Variants in DEUP1 observed in about 807,000 individuals in gnomAD.
The protein encoded by DEUP1 is coiled-coil domain containing 67.
DEUP1 carries 82 observed loss-of-function variants against 87.4 expected under a neutral mutation model. The ratio of observed to expected loss-of-function variants is 0.94; its 90% CI spans 0.78 to 1.13. DEUP1 has a LOEUF of 1.13. Among genes scored for constraint, DEUP1 ranks in the 50% most tolerant of loss-of-function variants. The probability of loss-of-function intolerance (pLI) is 0.00; values close to 1 mark genes in which losing one functional copy is unlikely to be tolerated. For synonymous variants in DEUP1, 214 were observed against 222.7 expected, an observed-to-expected ratio of 0.96 and a Z score of 0.35; for missense variants, 663 against 681.5, an observed-to-expected ratio of 0.97 and a Z score of 0.30.
intron 7 of DEUP1, among the ~76,000 whole-genome samples, chr11:93,376,276 C>G (rs190084119): frequency 6.6e-6 from 1 of 152,088 alleles, no homozygotes; most frequent in Non-Finnish European, 1.5e-5. Flanking sequence ...TGCTTGCTCT[C>G]GTTCTTTTCA....
intron 8 of DEUP1, 40 bp downstream of exon 8, chr11:93,385,583 A>G (rs1178660367): frequency 2.7e-6 from 4 of 1,488,474 alleles, no homozygotes; most frequent in South Asian, 1.3e-5. Context: ...GAACTGTTCA[A>G]AACATGATGT....
chr11:93,415,481 T>A (rs1401766409), intron 13 of DEUP1, among the ~76,000 whole-genome samples: 1 of 152,028 alleles, frequency 6.6e-6, no homozygotes, highest in Non-Finnish European at 1.5e-5. Flanking sequence ...TTAAAACATC[T>A]TTTCTATTGA....
intron 12 of DEUP1, 27 bp downstream of exon 12, chr11:93,408,454 A>G: frequency 1.5e-6 from 2 of 1,339,062 alleles, no homozygotes; most frequent in African/African-American, 1.5e-5. Context: ...ATATAAGGGC[A>G]TAAGTTTAAA....
intron 2 of DEUP1, among the ~76,000 whole-genome samples, chr11:93,334,140 T>G (rs4132359): frequency 0.34 from 52,397 of 151,912 alleles, 9,399 homozygotes; most frequent in Non-Finnish European, 0.4. Flanking sequence ...TAGACATGGG[T>G]CCACACACTG....
At chr11:93,395,000 T>A (rs2134366298) in intron 10 of DEUP1, among the ~76,000 whole-genome samples, 1 of 152,092 alleles carries the variant, frequency 6.6e-6, no homozygotes, top group South Asian at 2.1e-4. Flanking sequence ...TTTTTATCTT[T>A]AAAAAAAAGT....
chr11:93,431,095 CA>C (rs10534401), intron 13 of DEUP1, among the ~76,000 whole-genome samples: 7,751 of 112,390 alleles, frequency 0.069, 479 homozygotes, highest in African/African-American at 0.24. Context: ...AACACTGTCT[CA>C]AAAAAAAAAA....
At chr11:93,395,400 C>A (rs947103076) in intron 10 of DEUP1, among the ~76,000 whole-genome samples, 1 of 152,080 alleles carries the variant, frequency 6.6e-6, no homozygotes, top group Admixed American at 6.6e-5. Flanking sequence ...TGACTAAAAT[C>A]GTGAATTATG....
chr11:93,354,543 A>T (rs1024547319), intron 2 of DEUP1, among the ~76,000 whole-genome samples: 3 of 152,310 alleles, frequency 2.0e-5, no homozygotes, highest in African/African-American at 7.2e-5. Context: ...ATAAGGACAT[A>T]CCCGAGATTG....
chr11:93,334,965 T>G (rs1943679801), intron 2 of DEUP1, among the ~76,000 whole-genome samples: 1 of 152,194 alleles, frequency 6.6e-6, no homozygotes, highest in South Asian at 2.1e-4. Context: ...CCTTTTATGG[T>G]TTATTCTATC....
Position 93,370,120 on chromosome 11 carries a change from T to A in DEUP1, c.480T>A (p.Tyr160Ter). ...SREWDKQEIL[Y>*]QTHLISLDAQ... Reference sequence around the variant, plus strand: ...AATGGGACAAGCAAGAGATATTATATCAGACTCATCTGATTTCTTTAGATG... The same window carrying A: ...AATGGGACAAGCAAGAGATATTATAACAGACTCATCTGATTTCTTTAGATG... The change falls in exon 6 of 14, where the codon TAT becomes TAA. Residue 160 changes from tyrosine (Y) to a stop codon, truncating the protein, a stop_gained. Transcript: ENST00000298050. LOFTEE classifies it high-confidence loss of function. 1 of 1,609,010 alleles carries A rather than the reference T, an allele frequency of 6.2e-7. No individual in the cohort carries two copies. The highest frequency in any genetic ancestry group is 1.1e-5 in the South Asian group (1 of 90,034).
intron 11 of DEUP1, among the ~76,000 whole-genome samples, chr11:93,396,974 T>C (rs1369266262): frequency 7.1e-6 from 1 of 141,636 alleles, no homozygotes; most frequent in Non-Finnish European, 1.6e-5. Context: ...AATGTAACAA[T>C]AGAAAATTGA....
chr11:93,373,521 G>A (rs936368462), intron 7 of DEUP1, among the ~76,000 whole-genome samples: 2 of 149,528 alleles, frequency 1.3e-5, no homozygotes, highest in Non-Finnish European at 3.0e-5. Context: ...TTCCATCCAG[G>A]TTGCTGCAAA....
chr11:93,383,449 G>T (rs891352745), intron 7 of DEUP1: 3 of 488,736 alleles, frequency 6.1e-6, no homozygotes, highest in African/African-American at 3.9e-5. Context: ...ATTAGTGGTT[G>T]CTAGGAGCTG....
At chr11:93,352,666 C>T (rs1043575238) in intron 2 of DEUP1, among the ~76,000 whole-genome samples, 3 of 152,154 alleles carry the variant, frequency 2.0e-5, no homozygotes, top group Non-Finnish European at 4.4e-5. Flanking sequence ...TTCTACATAG[C>T]TGGGAAGGCC....
At chr11:93,387,553 A>G (rs546259763) in intron 8 of DEUP1, among the ~76,000 whole-genome samples, 3 of 152,236 alleles carry the variant, frequency 2.0e-5, no homozygotes, top group East Asian at 3.9e-4. Context: ...TTATACATGT[A>G]CATTAGCATT....
At chr11:93,400,131 A>G (rs1391515277) in intron 11 of DEUP1, among the ~76,000 whole-genome samples, 1 of 152,122 alleles carries the variant, frequency 6.6e-6, no homozygotes, top group Admixed American at 6.6e-5. Context: ...TCCACCTTTG[A>G]GTTTTTGGAA....
At chr11:93,391,958 TA>T (rs1046825914) in intron 9 of DEUP1, among the ~76,000 whole-genome samples, 1 of 152,236 alleles carries the variant, frequency 6.6e-6, no homozygotes. Flanking sequence ...GACTCTTTTT[TA>T]AAAAAATCTG....
At position 93,355,326 on chromosome 11, in the gene DEUP1, C is replaced by A. The variant is rs373323890; in HGVS notation, c.30-45C>A. 1.3e-4 allele frequency: 202 copies of A among 1,580,366 alleles called. No homozygotes were observed. The African/African-American group carries it at 2.6e-3, about 20-fold the overall frequency. On this transcript the variant is annotated intron_variant, in intron 2 of 13. Transcript: ENST00000298050. ...AATGTAATAATTTTTTTTGCCCTCA[C>A]ATTTCACTACTTTAAAATGTATTTT...
In DEUP1 at chr11:93,394,530, TG is replaced by T. The variant is rs767762250; in HGVS notation, c.1114del (p.Asp372ThrfsTer2). ...AGGAAAGAATGAGGAATGAAATCTC[TG>T]ACCTAACAGAAGAGCTTCATCAGAA... ...EQERMRNEIS[D>X]LTEELHQKEI... On this transcript the variant is annotated frameshift_variant, in exon 10 of 14. Coordinates refer to ENST00000298050, the MANE Select transcript of DEUP1 (RefSeq NM_181645.4). LOFTEE classifies it high-confidence loss of function. 1.2e-6 allele frequency: 2 copies of T among 1,610,516 alleles called. No individual in the cohort carries two copies. Among genetic ancestry groups the T allele is most frequent in the Non-Finnish European group, 8.5e-7 (1 of 1,178,240 alleles).
Sources: allele counts gnomAD v4.1 joint callset (sites outside exome capture counted in the v4.1 genomes callset), GRCh38; gene constraint gnomAD v4.1.1; transcripts MANE v1.5; gene names NCBI Gene and HGNC (gene_info 2026-07-23, HGNC 2026-07-21).